TRIM38: variants seen among roughly 807,000 people sequenced by gnomAD.
The protein encoded by TRIM38 is E3 ubiquitin-protein ligase TRIM38.
TRIM38 carries 35 observed loss-of-function variants against 35.8 expected under a neutral mutation model. The observed-to-expected ratio is 0.98, with a 90% CI of 0.75 to 1.30. TRIM38 has a LOEUF of 1.30. TRIM38 is among the 50% of genes most tolerant of loss of function. TRIM38 has a pLI of 0.00. For synonymous variants in TRIM38, 198 were observed against 204.7 expected, an observed-to-expected ratio of 0.97 and a Z score of 0.28; for missense variants, 545 against 556.9, an observed-to-expected ratio of 0.98 and a Z score of 0.21.
chr6:25,966,023 T>A (rs1048963221), intron 2 of TRIM38, among the ~76,000 whole-genome samples: 1 of 152,042 alleles, frequency 6.6e-6, no homozygotes, highest in African/African-American at 2.4e-5. Flanking sequence ...TCAGGACAAG[T>A]GAGGCAGGAG....
intron 4 of TRIM38, among the ~76,000 whole-genome samples, chr6:25,970,977 A>G (rs1760211186): frequency 6.6e-6 from 1 of 152,106 alleles, no homozygotes; most frequent in Non-Finnish European, 1.5e-5. Flanking sequence ...GTAGAACAGT[A>G]TTTCTCAGTT....
rs1373517723 is a variant in TRIM38 at position 25,966,640 on chromosome 6, A to G, written c.118A>G (p.Ile40Val). 6.2e-7 allele frequency: 1 copy of G among 1,614,232 alleles called. No individual in the cohort carries two copies. Among genetic ancestry groups the G allele is most frequent in the East Asian group, 2.2e-5 (1 of 44,888 alleles). The change falls in exon 3 of 8, where the codon ATA (isoleucine) becomes GTA (valine). Residue 40 changes from isoleucine (I) to valine (V), a missense_variant. Physicochemically the swap from Ile to Val is conservative, Grantham distance 29. Coordinates refer to ENST00000357085, the MANE Select transcript of TRIM38 (RefSeq NM_006355.5). ...TGGACACAGCTACTGCCACTTGTGT[A>G]TAACAGACTTCTTTAAAAACCCAAG... ...NCGHSYCHLC[I>V]TDFFKNPSQK...
At chr6:25,967,072 T>G (rs1185954253) in intron 3 of TRIM38, 139 bp downstream of exon 3, 3 of 981,700 alleles carry the variant, frequency 3.1e-6, no homozygotes, top group Non-Finnish European at 4.4e-6. Flanking sequence ...AAAAATAGTT[T>G]ATGATGATTT....
chr6:25,966,831 C>T lies in TRIM38; in HGVS notation c.309C>T (p.Phe103=). 6.2e-7 allele frequency: 1 copy of T among 1,614,200 alleles called. No homozygotes were observed. Residue 103 remains phenylalanine (F), a synonymous_variant, in exon 3 of 8, where the codon TTC becomes TTT. Transcript: ENST00000357085. ...AACACGGAGAGCAGTTCCACCTGTT[C>T]TGCGAAGACGAGGGGCAGCTCATCT... ...CEEHGEQFHL[F]CEDEGQLICW... is the part of the protein sequence containing the mutation.
chr6:25,978,193 G>A (rs981431148), intron 7 of TRIM38, among the ~76,000 whole-genome samples: 3 of 151,866 alleles, frequency 2.0e-5, no homozygotes, highest in Non-Finnish European at 4.4e-5. Context: ...CAGGCTGAGT[G>A]GTGCAGTAGT....
chr6:25,973,459 A>G (rs761916936), intron 7 of TRIM38, 174 bp downstream of exon 7: 76 of 985,302 alleles, frequency 7.7e-5, no homozygotes, highest in Non-Finnish European at 8.7e-5. Flanking sequence ...GAATGTGATG[A>G]GCATTGCATT....
intron 5 of TRIM38, among the ~76,000 whole-genome samples, chr6:25,972,506 G>A (rs1427398002): frequency 1.3e-5 from 2 of 152,188 alleles, no homozygotes; most frequent in Non-Finnish European, 2.9e-5. Flanking sequence ...TTTATCTGTA[G>A]GAAGATAAAC....
intron 7 of TRIM38, chr6:25,975,558 T>G (rs1385040147): frequency 1.1e-6 from 1 of 937,218 alleles, no homozygotes; most frequent in Non-Finnish European, 1.3e-6. Context: ...TATGTTTATT[T>G]TATTTTACAT....
At position 25,988,661 on chromosome 6, in the gene TRIM38, T is replaced by G. The variant is rs541723050; in HGVS notation, c.*4974T>G. The G allele has an allele frequency of 6.6e-6, 1 of 151,966 alleles. No homozygotes were observed. The highest frequency in any genetic ancestry group is 6.6e-5 in the Admixed American group (1 of 15,248). 9.4% of individuals were successfully genotyped at this position (151,966 alleles called of 1,614,324 possible). A position where few individuals can be genotyped will look rare whatever the true frequency, so the allele number is the denominator to read the frequency against. ...GGCTCACGCCACTATGCCCGGCTAA[T>G]TGGGGTTTTCCCATGTTGACCAGGC... On this transcript the variant is annotated 3_prime_UTR_variant, in exon 8 of 8. Coordinates refer to ENST00000357085, the MANE Select transcript of TRIM38 (RefSeq NM_006355.5).
chr6:25,980,155 A>T (rs1561902054), intron 7 of TRIM38, among the ~76,000 whole-genome samples: 1 of 152,154 alleles, frequency 6.6e-6, no homozygotes, highest in Non-Finnish European at 1.5e-5. Flanking sequence ...GCTGAGCTTT[A>T]TGTATTGACT....
In TRIM38 at chr6:25,966,389, A is replaced by G. The variant is rs769398705; in HGVS notation, c.-134A>G. ...AATAGGGGTTGGAAGGAAAACCTTC[A>G]AGACCTATGGAAGTCAGTTGCAGCC... On this transcript the variant is annotated 5_prime_UTR_variant, in exon 3 of 8. Transcript: ENST00000357085. 2.4e-5 allele frequency: 22 copies of G among 905,836 alleles called. No homozygotes were observed. Among genetic ancestry groups the G allele is most frequent in the Non-Finnish European group, 2.9e-5 (18 of 625,542 alleles). 56.1% of individuals were successfully genotyped at this position (905,836 alleles called of 1,614,324 possible).
In TRIM38 at chr6:25,983,285, C is replaced by T. The variant is rs1364854922; in HGVS notation, c.996C>T (p.Ala332=). ...ACACATCTTCCAGGAGATTTACTGC[C>T]TTCCCCTGTGTCTTGGGTTGTGAAG... is the stretch of plus-strand genomic sequence containing the variant. ...NQDTSSRRFT[A]FPCVLGCEGF... is the part of the protein sequence containing the mutation. The change falls in exon 8 of 8, where the codon GCC becomes GCT. Residue 332 remains alanine, a synonymous_variant. Coordinates refer to ENST00000357085, the MANE Select transcript of TRIM38 (RefSeq NM_006355.5). 6.2e-7 allele frequency: 1 copy of T among 1,614,154 alleles called. No individual in the cohort carries two copies. Among genetic ancestry groups the T allele is most frequent in the Admixed American group, 1.7e-5 (1 of 60,026 alleles).
rs1051399215 is a variant in TRIM38 at position 25,983,280 on chromosome 6, A to G, written c.991A>G (p.Thr331Ala). 6 of 1,614,042 alleles carry G rather than the reference A, an allele frequency of 3.7e-6. No individual in the cohort carries two copies. The highest frequency in any genetic ancestry group is 5.1e-6 in the Non-Finnish European group (6 of 1,180,028). Residue 331 changes from threonine to alanine, a missense_variant, in exon 8 of 8, where the codon ACT becomes GCT. Thr to Ala is a moderately conservative substitution (Grantham distance 58). Coordinates refer to ENST00000357085, the MANE Select transcript of TRIM38 (RefSeq NM_006355.5). ...ENQDTSSRRF[T>A]AFPCVLGCEG... ...TCAGGACACATCTTCCAGGAGATTT[A>G]CTGCCTTCCCCTGTGTCTTGGGTTG...
Position 25,966,628 on chromosome 6 carries a change from T to A in TRIM38, c.106T>A (p.Cys36Ser). The A allele has an allele frequency of 1.9e-6, 3 of 1,614,188 alleles. No homozygotes were observed. Among genetic ancestry groups the A allele is most frequent in the Non-Finnish European group, 2.5e-6 (3 of 1,180,042 alleles). The stretch of plus-strand genomic sequence containing the variant: ...AAGCATCAACTGTGGACACAGCTAC[T>A]GCCACTTGTGTATAACAGACTTCTT... Reference protein sequence around the residue: ...PVSINCGHSYCHLCITDFFKN... With the variant: ...PVSINCGHSYSHLCITDFFKN... The change falls in exon 3 of 8, where the codon TGC becomes AGC. Residue 36 changes from cysteine to serine, a missense_variant. Cys to Ser is a moderately radical substitution (Grantham distance 112, BLOSUM62 -1). Transcript: ENST00000357085.
At chr6:25,963,655 C>T (rs2113569236) in intron 2 of TRIM38, among the ~76,000 whole-genome samples, 1 of 152,304 alleles carries the variant, frequency 6.6e-6, no homozygotes, top group African/African-American at 2.4e-5. Flanking sequence ...ATAACTGCTC[C>T]TCAGGAGCAA....
At chr6:25,969,034 C>T (rs889320823) in intron 3 of TRIM38, among the ~76,000 whole-genome samples, 9 of 152,206 alleles carry the variant, frequency 5.9e-5, no homozygotes, top group African/African-American at 2.2e-4. Context: ...GCAATTGTTG[C>T]TCCACCACCT....
At position 25,990,139 on chromosome 6, in the gene TRIM38, G is replaced by A. The variant is rs199755; in HGVS notation, c.*6452G>A. The A allele has an allele frequency of 0.75, 114,319 of 151,844 alleles. 43,525 individuals carry two copies. Among genetic ancestry groups the A allele is most frequent in the East Asian group, 0.87 (4,466 of 5,148 alleles). 9.4% of individuals were successfully genotyped at this position (151,844 alleles called of 1,614,324 possible). ...AAGGGTTGGATATGTTTTATCTACA[G>A]TTTTGTTGTTTTGTTCTGCTACAGG... On this transcript the variant is annotated 3_prime_UTR_variant, in exon 8 of 8. Transcript: ENST00000357085.
At chr6:25,972,384 C>A (rs959465999) in intron 5 of TRIM38, among the ~76,000 whole-genome samples, 2 of 152,168 alleles carry the variant, frequency 1.3e-5, no homozygotes, top group Non-Finnish European at 2.9e-5. Flanking sequence ...CTGAAATACT[C>A]CACTAGGTGA....
Position 25,973,017 on chromosome 6 carries a change from G to A in TRIM38, c.739-37G>A, listed in dbSNP as rs763904436. On this transcript the variant is annotated intron_variant, in intron 5 of 7. Transcript: ENST00000357085. ...ATGACAAGCCCCATGAAATACCGAT[G>A]TTCCCATGCTCACCTTTTCTTTTTG... 4 of 1,613,938 alleles carry A rather than the reference G, an allele frequency of 2.5e-6. No individual in the cohort carries two copies. In the South Asian group the frequency reaches 3.3e-5, roughly 13 times the overall value.
Sources: allele counts gnomAD v4.1 joint callset (sites outside exome capture counted in the v4.1 genomes callset), GRCh38; gene constraint gnomAD v4.1.1; transcripts MANE v1.5; gene names NCBI Gene and HGNC (gene_info 2026-07-23, HGNC 2026-07-21).